The following LARGE1 variants were observed in gnomAD, a reference collection of about 807,000 sequenced individuals.
The protein encoded by LARGE1 is LARGE xylosyl- and glucuronyltransferase 1.
In LARGE1, 43 loss-of-function variants were observed where a neutral mutation model predicts 87.6. The observed-to-expected ratio is 0.49, with a 90% confidence interval of 0.38 to 0.63. LARGE1 has a LOEUF of 0.63. Ranked by LOEUF, LARGE1 falls within the 30% of genes least tolerant of loss-of-function variation. LARGE1 has a pLI of 0.00. For missense variants in LARGE1, 802 were observed against 1,000.2 expected (o/e 0.80, Z 2.67); for synonymous variants, 434 against 394.6 (o/e 1.10, Z -1.18).
At chr22:33,337,531 G>T in intron 10 of LARGE1, 115 bp downstream of exon 10, 1 of 1,258,308 alleles carries the variant, frequency 7.9e-7, no homozygotes. Flanking sequence ...CACCGATGGC[G>T]TTGTGTTCAC....
intron 6 of LARGE1, among the ~76,000 whole-genome samples, chr22:33,462,739 C>T (rs571184095): frequency 7.5e-4 from 114 of 152,288 alleles, no homozygotes; most frequent in African/African-American, 2.5e-3. Context: ...CAAGATCATG[C>T]CACTGTACTC....
Position 33,748,024 on chromosome 22 carries a change from CAAAAAAAAAAAAAAAA to C in LARGE1, c.106+13331_106+13346del, listed in dbSNP as rs535230421. On this transcript the variant is annotated intron_variant, in intron 2 of 14. Transcript: ENST00000397394. ...GGGCACTGTGTGCCCTCTGCTGGAG[CAAAAAAAAAAAAAAAA>C]AAAAAAAAAAAAGCCAACTATCCAT... Among the ~76,000 whole-genome samples the C allele has an allele frequency of 3.7e-4, 8 of 21,726 alleles. 1 individual carries two copies. The highest frequency in any genetic ancestry group is 2.5e-4 in the Non-Finnish European group (2 of 8,136). The allele number at this position is 21,726 out of a possible 152,430, so 14.3% of individuals were successfully genotyped here. A position where few individuals can be genotyped will look rare whatever the true frequency, so the allele number is the denominator to read the frequency against.
rs377670914 is a variant in LARGE1, at chr22:33,841,143, A to G, written c.-83+78852T>C. On this transcript the variant is annotated intron_variant, in intron 1 of 14. Coordinates refer to ENST00000397394, the MANE Select transcript of LARGE1 (RefSeq NM_133642.5). Reference sequence around the variant, plus strand: ...ATGTAGGTTAAATGTATTAAACGCAAATTTTGAACTTGATATTTTCAACTT... The same window carrying G: ...ATGTAGGTTAAATGTATTAAACGCAGATTTTGAACTTGATATTTTCAACTT... Among the ~76,000 whole-genome samples the G allele has an allele frequency of 9.8e-5, 15 of 152,302 alleles. No homozygotes were observed. In the East Asian group the frequency reaches 2.9e-3, roughly 29 times the overall value.
chr22:33,661,842 C>A, intron 2 of LARGE1, among the ~76,000 whole-genome samples: 1 of 151,896 alleles, frequency 6.6e-6, no homozygotes, highest in Non-Finnish European at 1.5e-5. Flanking sequence ...CTGCTGTCCT[C>A]GGGAGGGAGG....
chr22:33,814,921 G>A (rs750995435), intron 1 of LARGE1, among the ~76,000 whole-genome samples: 3 of 152,164 alleles, frequency 2.0e-5, no homozygotes, highest in African/African-American at 2.4e-5. Context: ...TGCCTGCAGC[G>A]AAACAACATG....
intron 2 of LARGE1, 131 bp downstream of exon 2, chr22:33,761,240 A>G: frequency 1.2e-6 from 1 of 840,294 alleles, no homozygotes; most frequent in South Asian, 1.3e-5. Flanking sequence ...GTGTGATTCT[A>G]GACAAGTCAC....
chr22:33,328,086 T>C (rs1044325485), intron 10 of LARGE1, among the ~76,000 whole-genome samples: 1 of 152,204 alleles, frequency 6.6e-6, no homozygotes, highest in African/African-American at 2.4e-5. Context: ...ATTATATTAG[T>C]GATAAGTACT....
intron 11 of LARGE1, among the ~76,000 whole-genome samples, chr22:33,179,918 G>T (rs1183572902): frequency 5.3e-5 from 8 of 152,190 alleles, no homozygotes; most frequent in Admixed American, 2.0e-4. Context: ...GGGCCTTTAA[G>T]AAGTGATTAG....
intron 9 of LARGE1, among the ~76,000 whole-genome samples, chr22:33,372,142 A>C (rs754281027): frequency 6.6e-6 from 1 of 152,158 alleles, no homozygotes; most frequent in Non-Finnish European, 1.5e-5. Context: ...TTTCCATAAA[A>C]ATAAGAACAA....
the LARGE1 span, among the ~76,000 whole-genome samples, chr22:33,135,186 T>C: frequency 3.3e-5 from 5 of 152,200 alleles, no homozygotes; most frequent in African/African-American, 9.6e-5. Context: ...CCTTTCCAGG[T>C]TGGCTCAGGA....
the LARGE1 span, among the ~76,000 whole-genome samples, chr22:33,095,587 T>C: frequency 2.0e-5 from 3 of 152,190 alleles, no homozygotes; most frequent in Non-Finnish European, 2.9e-5. Flanking sequence ...CCCACAGCAC[T>C]AGGCTTTACA....
intron 2 of LARGE1, among the ~76,000 whole-genome samples, chr22:33,727,205 G>A (rs1366710429): frequency 6.6e-6 from 1 of 152,170 alleles, no homozygotes; most frequent in Non-Finnish European, 1.5e-5. Context: ...TTATAGGGCT[G>A]TTAACAAGAA....
rs1282620333 is a variant in LARGE1, at chr22:33,503,607, TG to T, written c.787+61240del. 2.6e-5 allele frequency among the ~76,000 whole-genome samples: 4 copies of T among 152,134 alleles called. No individual in the cohort carries two copies. In the East Asian group the frequency reaches 7.8e-4, roughly 30 times the overall value. On this transcript the variant is annotated intron_variant, in intron 6 of 14. Coordinates refer to ENST00000397394, the MANE Select transcript of LARGE1 (RefSeq NM_133642.5). ...CGAGGTCAGGAGTTTGAGACCAGCC[TG>T]GCCAATATGGTGAAACCACGTCTCT...
downstream of LARGE1, among the ~76,000 whole-genome samples, chr22:33,271,799 T>A (rs985557281): frequency 2.6e-5 from 4 of 152,208 alleles, no homozygotes; most frequent in Admixed American, 6.5e-5. Context: ...GCAGCCTCTC[T>A]GTTGAAGTTG....
At chr22:33,612,552 A>G (rs544031577) in intron 4 of LARGE1, among the ~76,000 whole-genome samples, 1 of 152,360 alleles carries the variant, frequency 6.6e-6, no homozygotes, top group African/African-American at 2.4e-5. Flanking sequence ...CTGATAGAGT[A>G]AGAAAGGAAC....
chr22:33,277,076 AT>A lies in LARGE1; in HGVS notation c.2056del (p.Met686TrpfsTer18). 6.2e-7 allele frequency: 1 copy of A among 1,614,180 alleles called. No homozygotes were observed. The highest frequency in any genetic ancestry group is 8.5e-7 in the Non-Finnish European group (1 of 1,180,022). On this transcript the variant is annotated frameshift_variant, in exon 14 of 15. Coordinates refer to ENST00000397394, the MANE Select transcript of LARGE1 (RefSeq NM_133642.5). LOFTEE classifies it high-confidence loss of function. Reference protein sequence around the residue: ...GFGWNKVAHIMELDVQEYEFI... With the variant: ...GFGWNKVAHIXELDVQEYEFI... ...TCTTCTCACCTGCACATCCAGCTCC[AT>A]GATATGAGCCACTTTGTTCCAGCCA...
intron 13 of LARGE1, among the ~76,000 whole-genome samples, chr22:33,279,206 T>A (rs1929963501): frequency 6.6e-6 from 1 of 152,036 alleles, no homozygotes; most frequent in Non-Finnish European, 1.5e-5. Context: ...AAGCTGGGCA[T>A]CTAGTGAAGG....
chr22:33,566,556 G>A (rs1222235591), intron 5 of LARGE1, among the ~76,000 whole-genome samples: 2 of 152,210 alleles, frequency 1.3e-5, no homozygotes, highest in East Asian at 3.8e-4. Context: ...CTTAAAGGTG[G>A]CGCAGACCCA....
chr22:33,877,023 T>C (rs1036205209), intron 1 of LARGE1, among the ~76,000 whole-genome samples: 2 of 152,210 alleles, frequency 1.3e-5, no homozygotes, highest in African/African-American at 4.8e-5. Flanking sequence ...GGTACCACTG[T>C]ATTTGCAGAT....
Sources: allele counts gnomAD v4.1 joint callset (sites outside exome capture counted in the v4.1 genomes callset), GRCh38; gene constraint gnomAD v4.1.1; transcripts MANE v1.5; gene names NCBI Gene and HGNC (gene_info 2026-07-23, HGNC 2026-07-21).